The following XRCC5 variants were observed in gnomAD, a reference collection of about 807,000 sequenced individuals.
XRCC5 encodes X-ray repair cross complementing 5.
XRCC5 carries 12 observed loss-of-function variants against 95.7 expected under a neutral mutation model. The observed-to-expected ratio is 0.13, with a 90% CI of 0.08 to 0.20. XRCC5 has a LOEUF of 0.20. Ranked by LOEUF, XRCC5 falls within the 10% of genes least tolerant of loss-of-function variation. The pLI is 1.00. For synonymous variants in XRCC5, 281 were observed against 290.3 expected (o/e 0.97, Z 0.33); for missense variants, 595 against 873.9 (o/e 0.68, Z 4.02).
At chr2:216,112,354 T>A (rs1056102076) in intron 1 of XRCC5, among the ~76,000 whole-genome samples, 102 of 152,342 alleles carry the variant, frequency 6.7e-4, no homozygotes, top group African/African-American at 2.4e-3. Flanking sequence ...TGGTATCCCC[T>A]CCACCAGTCT....
At chr2:216,181,821 C>T (rs1689394611) in intron 16 of XRCC5, among the ~76,000 whole-genome samples, 2 of 152,108 alleles carry the variant, frequency 1.3e-5, no homozygotes, top group Admixed American at 6.5e-5. Context: ...ATTCCTAAGT[C>T]TTAGCCCCAT....
intron 6 of XRCC5, among the ~76,000 whole-genome samples, chr2:216,122,662 C>T (rs1696831066): frequency 6.7e-6 from 1 of 149,232 alleles, no homozygotes; most frequent in South Asian, 2.1e-4. Flanking sequence ...TCAGTATCTT[C>T]TTATCATCCT....
At position 216,204,378 on chromosome 2, in the gene XRCC5, T is replaced by C. The variant is rs61752202; in HGVS notation, c.2166T>C (p.Gly722=). ...SGDTAAVFEE[G]GDVDDLLDMI ...ACACAGCAGCTGTATTTGAAGAAGG[T>C]GGTGATGTGGACGATTTAGTAAGTA... Residue 722 remains glycine, a synonymous_variant, in exon 20 of 21, where the codon GGT becomes GGC. Coordinates refer to ENST00000392132, the MANE Select transcript of XRCC5 (RefSeq NM_021141.4). 13,533 of 1,613,892 alleles carry C rather than the reference T, an allele frequency of 8.4e-3. 83 individuals are homozygous for C. Among genetic ancestry groups the C allele is most frequent in the Non-Finnish European group, 9.5e-3 (11,190 of 1,179,826 alleles).
intron 13 of XRCC5, among the ~76,000 whole-genome samples, chr2:216,147,316 TGAG>T (rs1322475851): frequency 2.0e-5 from 3 of 151,760 alleles, no homozygotes; most frequent in Admixed American, 2.0e-4. Context: ...GGGTTGTGAG[TGAG>T]GAGAACAAGT....
chr2:216,116,096 CGTT>C (rs1201253081), intron 2 of XRCC5, among the ~76,000 whole-genome samples: 2 of 152,072 alleles, frequency 1.3e-5, no homozygotes, highest in African/African-American at 4.8e-5. Flanking sequence ...TATGATATTT[CGTT>C]GTATAAATAT....
intron 12 of XRCC5, 34 bp downstream of exon 12, chr2:216,138,213 T>C: frequency 6.4e-7 from 1 of 1,566,822 alleles, no homozygotes; most frequent in Non-Finnish European, 8.8e-7. Flanking sequence ...ACTCATTGAC[T>C]ACACACACTG....
chr2:216,113,172 C>A, intron 2 of XRCC5, 43 bp downstream of exon 2: 2 of 1,527,510 alleles, frequency 1.3e-6, no homozygotes, highest in Non-Finnish European at 1.8e-6. Context: ...CATGTTTGAA[C>A]TGCTTGTTGC....
Position 216,138,027 on chromosome 2 carries a change from C to G in XRCC5, c.1252-62C>G. ...ATGCTACTTTCACAGAATTTGGGAT[C>G]AGTTTTATATTTTTTCATTAATTTC... On this transcript the variant is annotated intron_variant, in intron 11 of 20. Coordinates refer to ENST00000392132, the MANE Select transcript of XRCC5 (RefSeq NM_021141.4). The G allele has an allele frequency of 2.9e-6, 4 of 1,373,964 alleles. No homozygotes were observed. In the Admixed American group the frequency reaches 8.1e-5, roughly 28 times the overall value. 85.1% of individuals were successfully genotyped at this position (1,373,964 alleles called of 1,614,324 possible).
chr2:216,145,542 T>A (rs942075774), intron 13 of XRCC5, among the ~76,000 whole-genome samples: 1 of 152,254 alleles, frequency 6.6e-6, no homozygotes, highest in African/African-American at 2.4e-5. Flanking sequence ...GATCTCAGCT[T>A]CCCATCTACT....
chr2:216,182,797 A>G (rs907335637), intron 16 of XRCC5, among the ~76,000 whole-genome samples: 1 of 152,164 alleles, frequency 6.6e-6, no homozygotes, highest in Non-Finnish European at 1.5e-5. Context: ...TCTTTAGTTA[A>G]CTGCTGTATG....
At chr2:216,196,912 T>C (rs1414174167) in intron 19 of XRCC5, among the ~76,000 whole-genome samples, 1 of 152,180 alleles carries the variant, frequency 6.6e-6, no homozygotes, top group Non-Finnish European at 1.5e-5. Context: ...TATCAATCAA[T>C]TTTTGTTAAA....
chr2:216,176,336 C>G (rs770664394), intron 16 of XRCC5, among the ~76,000 whole-genome samples: 1 of 152,118 alleles, frequency 6.6e-6, no homozygotes, highest in African/African-American at 2.4e-5. Flanking sequence ...CTAGGTTGGT[C>G]TCGAACTCCT....
chr2:216,184,032 C>CTGTGTGTGTGTGTGTGTG lies in XRCC5; in HGVS notation c.1835-6168_1835-6151dup, dbSNP rs3221952. On this transcript the variant is annotated intron_variant, in intron 16 of 20. Transcript: ENST00000392132. ...AGGGTGTTTAAGAAATAAGTCAGCA[C>CTGTGTGTGTGTGTGTGTG]TGTGTGTGTGTGTGTGTGTGTGTGT... 6.8e-3 allele frequency among the ~76,000 whole-genome samples: 996 copies of CTGTGTGTGTGTGTGTGTG among 145,670 alleles called. 4 individuals carry two copies. The highest frequency in any genetic ancestry group is 0.014 in the Middle Eastern group (4 of 290).
intron 18 of XRCC5, 40 bp downstream of exon 18, chr2:216,192,775 A>T: frequency 1.5e-6 from 2 of 1,348,872 alleles, no homozygotes; most frequent in Non-Finnish European, 2.0e-6. Context: ...AAGTATTTTT[A>T]AAATACTTAT....
At chr2:216,138,350 CA>C (rs548193038) in intron 12 of XRCC5, among the ~76,000 whole-genome samples, 171 bp downstream of exon 12, 1 of 152,106 alleles carries the variant, frequency 6.6e-6, no homozygotes, top group Non-Finnish European at 1.5e-5. Flanking sequence ...GGTGTTTTTC[CA>C]GTAGTAGGGA....
chr2:216,155,598 A>G (rs779034126), intron 14 of XRCC5, among the ~76,000 whole-genome samples: 2 of 152,216 alleles, frequency 1.3e-5, no homozygotes, highest in Non-Finnish European at 2.9e-5. Context: ...CACTAGGGGA[A>G]AATGGTCTGT....
chr2:216,187,180 G>C (rs1407690163), intron 16 of XRCC5, among the ~76,000 whole-genome samples: 21 of 152,152 alleles, frequency 1.4e-4, no homozygotes, highest in Admixed American at 1.3e-3. Flanking sequence ...GGGTTTATTG[G>C]AAGTTTGGAT....
intron 16 of XRCC5, among the ~76,000 whole-genome samples, chr2:216,185,566 C>T (rs968357334): frequency 1.3e-5 from 2 of 152,118 alleles, no homozygotes; most frequent in African/African-American, 4.8e-5. Context: ...AATGAATTAC[C>T]TGACCTTATA....
intron 16 of XRCC5, among the ~76,000 whole-genome samples, chr2:216,167,570 TTG>T (rs58499938): frequency 0.17 from 23,526 of 138,066 alleles, 1,771 homozygotes; most frequent in Non-Finnish European, 0.22. Flanking sequence ...GTGTGTGGGT[TTG>T]TGTGTGTGTG....
Sources: gnomAD v4.1 joint callset for allele counts (sites outside exome capture counted in the v4.1 genomes callset) on GRCh38, gnomAD v4.1.1 for gene constraint, MANE v1.5 for transcripts, NCBI Gene and HGNC (gene_info 2026-07-23, HGNC 2026-07-21) for gene names.